Variants in NOS1AP observed in about 807,000 individuals in gnomAD.
NOS1AP encodes nitric oxide synthase 1 adaptor protein.
A neutral mutation model predicts 56.2 loss-of-function variants in NOS1AP; 21 were observed. The observed-to-expected ratio is 0.37, with a 90% CI of 0.26 to 0.54. NOS1AP has a LOEUF of 0.54. Among genes scored for constraint, NOS1AP ranks in the 20% least tolerant of loss-of-function variants. The pLI, the probability that NOS1AP is intolerant of heterozygous loss-of-function variation, is 0.84. For synonymous variants in NOS1AP, 270 were observed against 274.6 expected (o/e 0.98, Z 0.17); for missense variants, 522 against 657.8 (o/e 0.79, Z 2.26).
intron 2 of NOS1AP, among the ~76,000 whole-genome samples, chr1:162,162,041 G>A (rs1196120060): frequency 6.6e-6 from 1 of 152,126 alleles, no homozygotes; most frequent in Non-Finnish European, 1.5e-5. Context: ...TTCTCCATAA[G>A]AATTTTAAGA....
intron 1 of NOS1AP, among the ~76,000 whole-genome samples, chr1:162,147,932 A>AG (rs1363282223): frequency 6.6e-6 from 1 of 152,106 alleles, no homozygotes; most frequent in African/African-American, 2.4e-5. Context: ...GATTCCTGGA[A>AG]GGGGGGGATG....
chr1:162,093,089 C>T (rs1571003627), intron 1 of NOS1AP, among the ~76,000 whole-genome samples: 1 of 152,004 alleles, frequency 6.6e-6, no homozygotes, highest in African/African-American at 2.4e-5. Flanking sequence ...TTGTAACATC[C>T]CTTAGGTAGT....
At position 162,081,545 on chromosome 1, in the gene NOS1AP, T is replaced by A. The variant is rs377388405; in HGVS notation, c.105+11263T>A. Among the ~76,000 whole-genome samples, 9 of 120,848 alleles carry A rather than the reference T, an allele frequency of 7.4e-5. No homozygotes were observed. In the East Asian group the frequency reaches 1.9e-3, roughly 25 times the overall value. 79.3% of individuals were successfully genotyped at this position (120,848 alleles called of 152,430 possible). A position where few individuals can be genotyped will look rare whatever the true frequency, so the allele number is the denominator to read the frequency against. On this transcript the variant is annotated intron_variant, in intron 1 of 9. Coordinates refer to ENST00000361897, the MANE Select transcript of NOS1AP (RefSeq NM_014697.3). ...TGCCCTTTTCCTTGCCTTTCCCAGC[T>A]TTTTTTTTTTTTTCCTTTTGAGATG...
chr1:162,178,572 C>A (rs1445394442), intron 2 of NOS1AP, among the ~76,000 whole-genome samples: 1 of 152,158 alleles, frequency 6.6e-6, no homozygotes, highest in Non-Finnish European at 1.5e-5. Context: ...GGCTAGGTAG[C>A]TAGTAAGTGA....
intron 2 of NOS1AP, among the ~76,000 whole-genome samples, chr1:162,249,022 CT>C (rs1246823141): frequency 6.6e-6 from 1 of 152,130 alleles, no homozygotes; most frequent in Non-Finnish European, 1.5e-5. Context: ...GCATAAAGGC[CT>C]TCCATCTCCA....
At chr1:162,244,268 A>G (rs1653588022) in intron 2 of NOS1AP, among the ~76,000 whole-genome samples, 1 of 152,078 alleles carries the variant, frequency 6.6e-6, no homozygotes. Flanking sequence ...CAGTTGAGGC[A>G]AGGTTCCTGC....
intron 2 of NOS1AP, among the ~76,000 whole-genome samples, chr1:162,269,293 A>G (rs893683889): frequency 1.3e-5 from 2 of 152,206 alleles, no homozygotes; most frequent in Admixed American, 6.5e-5. Flanking sequence ...TTCATTATCA[A>G]ATATAATATC....
chr1:162,103,707 C>T (rs751269621), intron 1 of NOS1AP, among the ~76,000 whole-genome samples: 6 of 152,062 alleles, frequency 3.9e-5, no homozygotes, highest in Non-Finnish European at 7.4e-5. Context: ...CTTTTTTGAT[C>T]TTTGTTGCTT....
chr1:162,366,623 C>G (rs1314453516), intron 9 of NOS1AP, among the ~76,000 whole-genome samples: 1 of 152,160 alleles, frequency 6.6e-6, no homozygotes, highest in African/African-American at 2.4e-5. Flanking sequence ...AACCAGTGCC[C>G]TTCACCACTC....
chr1:162,320,478 G>A (rs1656375780), intron 4 of NOS1AP, among the ~76,000 whole-genome samples: 1 of 152,196 alleles, frequency 6.6e-6, no homozygotes, highest in Non-Finnish European at 1.5e-5. Flanking sequence ...ATAAACTTGA[G>A]AAAAGAGAAG....
At chr1:162,191,372 T>C (rs1651640141) in intron 2 of NOS1AP, among the ~76,000 whole-genome samples, 1 of 152,188 alleles carries the variant, frequency 6.6e-6, no homozygotes. Flanking sequence ...GGGGGGATCT[T>C]CCCTGCTTCG....
chr1:162,115,414 GA>G (rs1647904000), intron 1 of NOS1AP, among the ~76,000 whole-genome samples: 1 of 150,680 alleles, frequency 6.6e-6, no homozygotes, highest in Non-Finnish European at 1.5e-5. Context: ...TTTTTTTAAA[GA>G]AGGTAAGAAT....
At chr1:162,365,667 A>G in intron 9 of NOS1AP, 98 bp downstream of exon 9, 1 of 1,427,828 alleles carries the variant, frequency 7.0e-7, no homozygotes, top group South Asian at 1.2e-5. Flanking sequence ...TGGACCCCTG[A>G]CCTACCCCTA....
chr1:162,289,469 C>A (rs12757553), intron 3 of NOS1AP, among the ~76,000 whole-genome samples: 1 of 85,470 alleles, frequency 1.2e-5, no homozygotes, highest in African/African-American at 5.0e-5. Flanking sequence ...AGCTACTTTT[C>A]TTTTTTTTTT....
chr1:162,285,738 G>A (rs902231619), intron 2 of NOS1AP, among the ~76,000 whole-genome samples: 8 of 152,190 alleles, frequency 5.3e-5, no homozygotes, highest in African/African-American at 9.6e-5. Context: ...TCCTGTCTCC[G>A]TGTGTTTGCT....
At chr1:162,164,948 C>T (rs1010937974) in intron 2 of NOS1AP, among the ~76,000 whole-genome samples, 5 of 152,186 alleles carry the variant, frequency 3.3e-5, no homozygotes, top group African/African-American at 2.4e-5. Context: ...TTCATATCCA[C>T]TGTCACCTAA....
At chr1:162,254,375 G>A (rs1653959252) in intron 2 of NOS1AP, among the ~76,000 whole-genome samples, 1 of 152,192 alleles carries the variant, frequency 6.6e-6, no homozygotes, top group South Asian at 2.1e-4. Context: ...ACCATTGTGG[G>A]TGAATGTGCA....
At chr1:162,294,776 A>C (rs1415012992) in intron 3 of NOS1AP, among the ~76,000 whole-genome samples, 2 of 152,172 alleles carry the variant, frequency 1.3e-5, no homozygotes, top group Non-Finnish European at 2.9e-5. Context: ...GAGTAAGAGA[A>C]AGGAGTTACA....
At chr1:162,143,052 G>A (rs775032659) in intron 1 of NOS1AP, among the ~76,000 whole-genome samples, 20 of 138,900 alleles carry the variant, frequency 1.4e-4, no homozygotes, top group East Asian at 2.9e-4. Flanking sequence ...TTTCCTGGTC[G>A]CAACTTGCTC....
Sources: gnomAD v4.1 joint callset for allele counts (sites outside exome capture counted in the v4.1 genomes callset) on GRCh38, gnomAD v4.1.1 for gene constraint, MANE v1.5 for transcripts, NCBI Gene and HGNC (gene_info 2026-07-23, HGNC 2026-07-21) for gene names.